SCEL: variants seen among roughly 807,000 people sequenced by gnomAD.
SCEL encodes the protein sciellin.
SCEL carries 113 observed loss-of-function variants against 117.6 expected under a neutral mutation model. That is an observed-to-expected ratio of 0.96 (90% CI 0.83 to 1.12). SCEL has a LOEUF of 1.12. Ranked by LOEUF, SCEL falls within the 50% of genes most tolerant of loss-of-function variation. The pLI is 0.00. For synonymous variants in SCEL, 270 were observed against 256.2 expected (o/e 1.05, Z -0.51); for missense variants, 785 against 810.8 (o/e 0.97, Z 0.39).
intron 22 of SCEL, among the ~76,000 whole-genome samples, chr13:77,610,792 T>C (rs1370865803): frequency 6.6e-6 from 1 of 152,198 alleles, no homozygotes. Flanking sequence ...TCTCTTCTTA[T>C]TGTCTACCAC....
chr13:77,597,732 A>G, intron 13 of SCEL, 143 bp downstream of exon 13: 1 of 479,610 alleles, frequency 2.1e-6, no homozygotes, highest in Non-Finnish European at 3.7e-6. Context: ...TGCAGCAATC[A>G]TCATCATTTC....
chr13:77,579,257 A>T (rs575375389), intron 9 of SCEL, among the ~76,000 whole-genome samples: 1 of 152,362 alleles, frequency 6.6e-6, no homozygotes, highest in South Asian at 2.1e-4. Context: ...CATTACTTTG[A>T]CACATCACTT....
In SCEL at chr13:77,613,961, A is replaced by G. The variant is rs766162290; in HGVS notation, c.1451+6A>G. 6.8e-6 allele frequency: 11 copies of G among 1,610,376 alleles called. No homozygotes were observed. The Admixed American group carries it at 1.5e-4, about 22-fold the overall frequency. On this transcript the variant is annotated splice_donor_region_variant and intron_variant, in intron 24 of 32. Coordinates refer to ENST00000349847, the MANE Select transcript of SCEL (RefSeq NM_144777.3). Reference sequence around the variant, plus strand: ...GCTGTCAAAAACACTGATGGGTAAGAGATGGATGTGATTTTTGTTGTGTTT... The same window carrying G: ...GCTGTCAAAAACACTGATGGGTAAGGGATGGATGTGATTTTTGTTGTGTTT...
chr13:77,612,602 G>A (rs2154403252), intron 22 of SCEL, among the ~76,000 whole-genome samples: 1 of 150,140 alleles, frequency 6.7e-6, no homozygotes, highest in South Asian at 2.1e-4. Flanking sequence ...TATTATAAAT[G>A]GTTTAATTCT....
At chr13:77,536,767 C>T (rs2083439287) in intron 1 of SCEL, among the ~76,000 whole-genome samples, 1 of 152,234 alleles carries the variant, frequency 6.6e-6, no homozygotes, top group South Asian at 2.1e-4. Context: ...GGTGCCCCCA[C>T]AGCATACCTG....
intron 9 of SCEL, among the ~76,000 whole-genome samples, chr13:77,573,384 G>T (rs2085749314): frequency 6.6e-6 from 1 of 152,134 alleles, no homozygotes; most frequent in African/African-American, 2.4e-5. Context: ...AATGGGATCA[G>T]TTTTTCTAAT....
At chr13:77,541,611 T>C (rs902862307) in intron 1 of SCEL, among the ~76,000 whole-genome samples, 2 of 152,218 alleles carry the variant, frequency 1.3e-5, no homozygotes, top group Non-Finnish European at 2.9e-5. Context: ...TATTTAAATA[T>C]TCTTAAATGG....
intron 7 of SCEL, 76 bp downstream of exon 7, chr13:77,568,409 A>G (rs2085406191): frequency 1.2e-6 from 1 of 844,574 alleles, no homozygotes; most frequent in African/African-American, 1.7e-5. Flanking sequence ...CCTCAGGCCA[A>G]TTTTATTGGA....
At chr13:77,637,251 CATATATATATATATAT>C in intron 30 of SCEL, 57 bp downstream of exon 30, 1 of 412,096 alleles carries the variant, frequency 2.4e-6, no homozygotes, top group Non-Finnish European at 4.3e-6. Flanking sequence ...CACACACACA[CATATATATATATATAT>C]ACACACACAC....
At chr13:77,597,497 C>A in intron 12 of SCEL, 48 bp from the exon 13 acceptor site, 1 of 1,144,166 alleles carries the variant, frequency 8.7e-7, no homozygotes, top group Non-Finnish European at 1.3e-6. Flanking sequence ...CCCTTTGACC[C>A]TGGGCAAGCT....
chr13:77,556,940 A>G (rs2084694762), intron 3 of SCEL, among the ~76,000 whole-genome samples: 1 of 152,206 alleles, frequency 6.6e-6, no homozygotes, highest in African/African-American at 2.4e-5. Context: ...GTGAGTCATT[A>G]CTGAGAGAGA....
chr13:77,538,439 A>T (rs1373196085), intron 1 of SCEL, among the ~76,000 whole-genome samples: 1 of 152,134 alleles, frequency 6.6e-6, no homozygotes, highest in Non-Finnish European at 1.5e-5. Flanking sequence ...TTTATCAGTT[A>T]TATTCCTTAA....
At chr13:77,553,592 G>A (rs987410236) in intron 1 of SCEL, among the ~76,000 whole-genome samples, 6 of 152,026 alleles carry the variant, frequency 3.9e-5, no homozygotes, top group Non-Finnish European at 8.8e-5. Context: ...GTTTATCTAT[G>A]CAGCCTCCAA....
chr13:77,570,765 G>C (rs1046321829), intron 8 of SCEL, among the ~76,000 whole-genome samples: 2 of 152,114 alleles, frequency 1.3e-5, no homozygotes, highest in East Asian at 1.9e-4. Context: ...TTCTAATTGA[G>C]GTTAGAACTG....
chr13:77,608,868 G>A (rs539885181), intron 20 of SCEL, among the ~76,000 whole-genome samples, 190 bp from the exon 21 acceptor site: 31 of 152,184 alleles, frequency 2.0e-4, no homozygotes, highest in African/African-American at 6.3e-4. Flanking sequence ...GAGAAACTAC[G>A]TCAGTGTACC....
intron 11 of SCEL, among the ~76,000 whole-genome samples, chr13:77,593,110 T>G (rs1239995918): frequency 6.6e-6 from 1 of 152,176 alleles, no homozygotes; most frequent in African/African-American, 2.4e-5. Flanking sequence ...ACTTCTGTGT[T>G]TACTTGTCAG....
intron 27 of SCEL, among the ~76,000 whole-genome samples, chr13:77,625,251 A>T (rs1361123051): frequency 6.6e-6 from 1 of 152,220 alleles, no homozygotes; most frequent in African/African-American, 2.4e-5. Flanking sequence ...GTATTACTTA[A>T]AACATTAAGG....
At chr13:77,559,992 G>A (rs1785597251) in intron 4 of SCEL, 129 bp downstream of exon 4, 1 of 786,950 alleles carries the variant, frequency 1.3e-6, no homozygotes, top group Non-Finnish European at 2.1e-6. Flanking sequence ...GGCATGTGAA[G>A]GAGAATCTGT....
intron 22 of SCEL, among the ~76,000 whole-genome samples, chr13:77,612,296 T>TA (rs1440271190): frequency 6.6e-6 from 1 of 152,078 alleles, no homozygotes; most frequent in Non-Finnish European, 1.5e-5. Flanking sequence ...AATAAAAACA[T>TA]AAATTCTATA....
Sources: allele counts gnomAD v4.1 joint callset (sites outside exome capture counted in the v4.1 genomes callset), GRCh38; gene constraint gnomAD v4.1.1; transcripts MANE v1.5; gene names NCBI Gene and HGNC (gene_info 2026-07-23, HGNC 2026-07-21).